Variants in RBFOX1 observed in about 807,000 individuals in gnomAD.
The protein encoded by RBFOX1 is RNA binding protein fox-1 homolog 1.
In RBFOX1, 8 loss-of-function variants were observed where a neutral mutation model predicts 57.7. The observed-to-expected ratio is 0.14, with a 90% CI of 0.08 to 0.25. RBFOX1 has a LOEUF of 0.25. Ranked by LOEUF, RBFOX1 falls within the 10% of genes least tolerant of loss-of-function variation. RBFOX1 has a pLI of 1.00. For missense variants in RBFOX1, 611 were observed against 548.5 expected (o/e 1.11, Z -1.14); for synonymous variants, 326 against 222.4 (o/e 1.47, Z -4.15).
chr16:5,983,199 G>A (rs897870539), intron 4 of RBFOX1, among the ~76,000 whole-genome samples: 2 of 152,200 alleles, frequency 1.3e-5, no homozygotes, highest in Non-Finnish European at 2.9e-5. Flanking sequence ...GAGAGGCCAC[G>A]GGGAATTAGG....
intron 3 of RBFOX1, among the ~76,000 whole-genome samples, chr16:5,860,413 C>T (rs1567637809): frequency 1.3e-5 from 2 of 152,136 alleles, no homozygotes; most frequent in South Asian, 2.1e-4. Flanking sequence ...ATAAGGTTTT[C>T]TGTTTGTGCC....
intron 4 of RBFOX1, among the ~76,000 whole-genome samples, chr16:7,439,809 G>C (rs2062534292): frequency 6.6e-6 from 1 of 152,124 alleles, no homozygotes; most frequent in African/African-American, 2.4e-5. Flanking sequence ...AATTGGGATG[G>C]GGTTTGAGGA....
chr16:5,720,061 CA>C (rs1474806205), intron 3 of RBFOX1, among the ~76,000 whole-genome samples: 1 of 151,914 alleles, frequency 6.6e-6, no homozygotes, highest in African/African-American at 2.4e-5. Flanking sequence ...CAATTTTTTT[CA>C]CATCCTCACC....
At chr16:5,710,711 C>G (rs937943570) in intron 3 of RBFOX1, among the ~76,000 whole-genome samples, 1 of 152,134 alleles carries the variant, frequency 6.6e-6, no homozygotes, top group African/African-American at 2.4e-5. Flanking sequence ...GACATGATCA[C>G]TTTGTGGTCC....
intron 4 of RBFOX1, among the ~76,000 whole-genome samples, chr16:7,215,305 A>G (rs753395063): frequency 4.6e-5 from 7 of 152,216 alleles, no homozygotes; most frequent in African/African-American, 9.6e-5. Context: ...TGACCCAGCC[A>G]TCCCATTACT....
At chr16:5,891,842 A>C (rs1422259258) in intron 4 of RBFOX1, among the ~76,000 whole-genome samples, 1 of 151,986 alleles carries the variant, frequency 6.6e-6, no homozygotes, top group Non-Finnish European at 1.5e-5. Flanking sequence ...AGGCTTGGAG[A>C]CCCTCCATCC....
chr16:7,371,661 A>T (rs1426509455), intron 4 of RBFOX1, among the ~76,000 whole-genome samples: 2 of 152,144 alleles, frequency 1.3e-5, no homozygotes, highest in Non-Finnish European at 2.9e-5. Context: ...GAGGCAGGAG[A>T]ATCGCTTGAA....
At chr16:7,702,162 T>A (rs2080951088) in intron 14 of RBFOX1, among the ~76,000 whole-genome samples, 1 of 152,230 alleles carries the variant, frequency 6.6e-6, no homozygotes, top group Non-Finnish European at 1.5e-5. Context: ...CCTGGGATTC[T>A]GCGATTTGAA....
intron 2 of RBFOX1, among the ~76,000 whole-genome samples, chr16:6,474,192 A>T (rs2095236852): frequency 6.6e-6 from 1 of 152,156 alleles, no homozygotes; most frequent in Non-Finnish European, 1.5e-5. Flanking sequence ...GGATGGGGAC[A>T]TCATAGTACT....
chr16:7,085,489 G>T (rs1487457085), intron 4 of RBFOX1, among the ~76,000 whole-genome samples: 3 of 152,142 alleles, frequency 2.0e-5, no homozygotes, highest in African/African-American at 7.2e-5. Context: ...TGCTGGCATG[G>T]ATTTGACCGA....
chr16:6,531,064 C>A (rs571597965), intron 2 of RBFOX1, among the ~76,000 whole-genome samples: 1 of 152,172 alleles, frequency 6.6e-6, no homozygotes, highest in African/African-American at 2.4e-5. Flanking sequence ...GCAAACTGGC[C>A]CAAGCTCAGC....
intron 2 of RBFOX1, among the ~76,000 whole-genome samples, chr16:6,466,082 A>G (rs908252581): frequency 6.6e-6 from 1 of 152,078 alleles, no homozygotes; most frequent in African/African-American, 2.4e-5. Context: ...TATGAAAATT[A>G]GCCAGGTGTG....
At chr16:6,200,355 G>C (rs572422613) in intron 1 of RBFOX1, among the ~76,000 whole-genome samples, 2 of 152,070 alleles carry the variant, frequency 1.3e-5, no homozygotes, top group Non-Finnish European at 2.9e-5. Flanking sequence ...TTAAGCATCT[G>C]CGATGTAGTA....
intron 1 of RBFOX1, among the ~76,000 whole-genome samples, chr16:5,310,598 A>G (rs1370721809): frequency 6.6e-6 from 1 of 152,192 alleles, no homozygotes; most frequent in Non-Finnish European, 1.5e-5. Flanking sequence ...GGCAGAGGCT[A>G]CACCCACATA....
chr16:6,774,252 G>C (rs2078952245), intron 3 of RBFOX1, among the ~76,000 whole-genome samples: 1 of 152,092 alleles, frequency 6.6e-6, no homozygotes, highest in Admixed American at 6.5e-5. Flanking sequence ...GGAAGCTTTT[G>C]AGGAATTCAT....
chr16:7,045,809 C>G (rs190750729), intron 3 of RBFOX1, among the ~76,000 whole-genome samples: 2 of 152,014 alleles, frequency 1.3e-5, no homozygotes, highest in African/African-American at 4.8e-5. Flanking sequence ...GCGCATTCCA[C>G]CACGTGTGGC....
chr16:5,450,935 G>A (rs918860018), intron 1 of RBFOX1, among the ~76,000 whole-genome samples: 2 of 152,178 alleles, frequency 1.3e-5, no homozygotes, highest in East Asian at 1.9e-4. Context: ...AAGCTTGTCC[G>A]AGCCTCAGTG....
In RBFOX1 at chr16:6,241,211, G is replaced by A. The variant is rs189254425; in HGVS notation, c.-126-75784G>A. On this transcript the variant is annotated intron_variant, in intron 1 of 15. Coordinates refer to ENST00000550418, the MANE Select transcript of RBFOX1 (RefSeq NM_018723.4). ...GAAATATGCAAATTCCCGTTCAGAC[G>A]GGGCACTATTGTAATGTGCAATGAA... Among the ~76,000 whole-genome samples, 108 of 152,260 alleles carry A rather than the reference G, an allele frequency of 7.1e-4. 1 individual carries two copies. In the South Asian group the frequency reaches 8.3e-3, roughly 12 times the overall value.
intron 3 of RBFOX1, among the ~76,000 whole-genome samples, chr16:5,853,214 A>G (rs2056940665): frequency 6.6e-6 from 1 of 152,088 alleles, no homozygotes; most frequent in African/African-American, 2.4e-5. Flanking sequence ...TTGCATTTCA[A>G]TGCCAGGTAG....
Sources: allele counts gnomAD v4.1 joint callset (sites outside exome capture counted in the v4.1 genomes callset), GRCh38; gene constraint gnomAD v4.1.1; transcripts MANE v1.5; gene names NCBI Gene and HGNC (gene_info 2026-07-23, HGNC 2026-07-21).